The following CCNY variants were observed in gnomAD, a reference collection of about 807,000 sequenced individuals.
CCNY encodes the protein cyclin Y.
CCNY carries 19 observed loss-of-function variants against 42.8 expected under a neutral mutation model. The ratio of observed to expected loss-of-function variants is 0.44; its 90% CI spans 0.31 to 0.65. The LOEUF is 0.65. CCNY is among the 30% of genes least tolerant of loss of function. The probability of loss-of-function intolerance (pLI) is 0.07; values close to 1 mark genes in which losing one functional copy is unlikely to be tolerated. For synonymous variants in CCNY, 165 were observed against 162.7 expected, an observed-to-expected ratio of 1.01 and a Z score of -0.11; for missense variants, 370 against 437.3, an observed-to-expected ratio of 0.85 and a Z score of 1.37.
At chr10:35,439,185 T>A (rs1287596168) in intron 1 of CCNY, among the ~76,000 whole-genome samples, 1 of 152,250 alleles carries the variant, frequency 6.6e-6, no homozygotes, top group Non-Finnish European at 1.5e-5. Context: ...TTTCTTCATA[T>A]ACTTTCCAAG....
At chr10:35,358,919 G>A (rs976068703) in intron 1 of CCNY, among the ~76,000 whole-genome samples, 1 of 152,222 alleles carries the variant, frequency 6.6e-6, no homozygotes, top group South Asian at 2.1e-4. Flanking sequence ...AACCCAGGAG[G>A]CAATGAGGAC....
chr10:35,304,605 C>T lies in CCNY; in HGVS notation c.-9+53979C>T, dbSNP rs1314811309. Among the ~76,000 whole-genome samples, 8 of 52,744 alleles carry T rather than the reference C, an allele frequency of 1.5e-4. 2 individuals carry two copies. The South Asian group carries it at 3.9e-3, about 26-fold the overall frequency. The allele number at this position is 52,744 out of a possible 152,430, so 34.6% of individuals were successfully genotyped here. On this transcript the variant is annotated intron_variant, in intron 3 of 11. Transcript: ENST00000374706. ...GATTACAGGCGTGAGCCACCGCTCC[C>T]GGCCTTTTTTCTCCTTTTAATTAAA...
intron 4 of CCNY, among the ~76,000 whole-genome samples, chr10:35,519,262 C>T (rs1264867952): frequency 1.3e-5 from 2 of 150,672 alleles, no homozygotes; most frequent in African/African-American, 2.4e-5. Flanking sequence ...CTGAGGTATA[C>T]TGTGAGTATC....
intron 7 of CCNY, among the ~76,000 whole-genome samples, chr10:35,549,578 T>C (rs1438609810): frequency 1.4e-5 from 2 of 143,406 alleles, no homozygotes; most frequent in Non-Finnish European, 3.0e-5. Context: ...TCATGACACA[T>C]GACCCTACAG....
intron 3 of CCNY, among the ~76,000 whole-genome samples, chr10:35,286,766 C>G (rs994680574): frequency 3.4e-5 from 5 of 149,110 alleles, no homozygotes; most frequent in African/African-American, 1.2e-4. Context: ...TTCAAGAGAT[C>G]TTCTCATCTC....
chr10:35,513,095 A>G (rs113242959), intron 3 of CCNY, among the ~76,000 whole-genome samples: 1,582 of 152,324 alleles, frequency 0.01, 25 homozygotes, highest in African/African-American at 0.036. Flanking sequence ...ATTTTTGTAT[A>G]TTAATGGACC....
intron 1 of CCNY, among the ~76,000 whole-genome samples, chr10:35,395,683 G>T (rs541211737): frequency 1.3e-5 from 2 of 152,332 alleles, no homozygotes; most frequent in South Asian, 4.1e-4. Flanking sequence ...AAAGGTGGAG[G>T]TCCATTTTGG....
intron 1 of CCNY, among the ~76,000 whole-genome samples, chr10:35,367,918 CT>C (rs1398988246): frequency 1.3e-5 from 2 of 152,226 alleles, no homozygotes; most frequent in Non-Finnish European, 2.9e-5. Flanking sequence ...TACTGCCCCT[CT>C]CCCACACCTC....
intron 7 of CCNY, among the ~76,000 whole-genome samples, chr10:35,539,049 T>C (rs1180762632): frequency 6.6e-6 from 1 of 152,242 alleles, no homozygotes; most frequent in Non-Finnish European, 1.5e-5. Flanking sequence ...TTGTCACCCT[T>C]GTCAAAAATC....
chr10:35,320,433 T>A (rs1835807337), intron 3 of CCNY, among the ~76,000 whole-genome samples: 2 of 152,164 alleles, frequency 1.3e-5, no homozygotes, highest in South Asian at 4.1e-4. Context: ...ATTTTAAAAC[T>A]CTTAGCAAAC....
At chr10:35,447,985 T>C (rs1838829257) in intron 1 of CCNY, among the ~76,000 whole-genome samples, 1 of 152,212 alleles carries the variant, frequency 6.6e-6, no homozygotes. Context: ...CTCATTCGTT[T>C]TCAGCTATCA....
intron 1 of CCNY, among the ~76,000 whole-genome samples, chr10:35,365,305 C>A (rs568976220): frequency 6.6e-6 from 1 of 152,156 alleles, no homozygotes; most frequent in Admixed American, 6.5e-5. Flanking sequence ...AACTTGTCCT[C>A]ATGATATAAA....
chr10:35,273,652 A>G (rs1011454961), intron 3 of CCNY, among the ~76,000 whole-genome samples: 2 of 152,114 alleles, frequency 1.3e-5, no homozygotes, highest in African/African-American at 4.8e-5. Flanking sequence ...GCAGGTCATG[A>G]TAAGCGTCTC....
chr10:35,449,892 T>C, intron 1 of CCNY: 1 of 715,930 alleles, frequency 1.4e-6, no homozygotes, highest in Non-Finnish European at 1.7e-6. Flanking sequence ...CTCGCACCAC[T>C]CAGGGCCTAC....
At chr10:35,398,803 G>A (rs1193713348) in intron 1 of CCNY, among the ~76,000 whole-genome samples, 2 of 152,280 alleles carry the variant, frequency 1.3e-5, no homozygotes, top group South Asian at 2.1e-4. Flanking sequence ...CTGAAAATAT[G>A]CTCAATTTTT....
chr10:35,340,504 CTTT>C (rs1210434335), intron 1 of CCNY, among the ~76,000 whole-genome samples: 7 of 132,674 alleles, frequency 5.3e-5, no homozygotes, highest in Admixed American at 7.6e-5. Flanking sequence ...CAACTTCATT[CTTT>C]TTTTTTTTTT....
At chr10:35,493,021 C>T (rs960467220) in intron 2 of CCNY, among the ~76,000 whole-genome samples, 1 of 152,082 alleles carries the variant, frequency 6.6e-6, no homozygotes, top group African/African-American at 2.4e-5. Context: ...TATCAGGTTT[C>T]TTGGCCAGGC....
At chr10:35,444,252 T>C (rs1838740822) in intron 1 of CCNY, among the ~76,000 whole-genome samples, 3 of 150,362 alleles carry the variant, frequency 2.0e-5, no homozygotes, top group South Asian at 4.2e-4. Context: ...TTTTTGGCTT[T>C]TTTTTTTTTT....
intron 1 of CCNY, among the ~76,000 whole-genome samples, chr10:35,434,661 CTCTT>C (rs1838486872): frequency 6.6e-6 from 1 of 152,138 alleles, no homozygotes; most frequent in Non-Finnish European, 1.5e-5. Flanking sequence ...GGAAGTATCA[CTCTT>C]TATTCAGAGG....
Sources: gnomAD v4.1 joint callset for allele counts (sites outside exome capture counted in the v4.1 genomes callset) on GRCh38, gnomAD v4.1.1 for gene constraint, MANE v1.5 for transcripts, NCBI Gene and HGNC (gene_info 2026-07-23, HGNC 2026-07-21) for gene names.